Variants in CRPPA observed in about 807,000 individuals in gnomAD.
CRPPA encodes the protein CDP-L-ribitol pyrophosphorylase A.
CRPPA carries 43 observed loss-of-function variants against 52.0 expected under a neutral mutation model. That is an observed-to-expected ratio of 0.83 (90% CI 0.65 to 1.07). CRPPA has a LOEUF of 1.07. Among genes scored for constraint, CRPPA ranks in the 50% least tolerant of loss-of-function variants. The pLI is 0.00. For synonymous variants in CRPPA, 250 were observed against 203.5 expected (o/e 1.23, Z -1.94); for missense variants, 629 against 551.7 (o/e 1.14, Z -1.40).
chr7:16,368,199 T>C (rs114322426), intron 3 of CRPPA, among the ~76,000 whole-genome samples: 3,022 of 152,336 alleles, frequency 0.02, 95 homozygotes, highest in African/African-American at 0.069. Context: ...CATTTGAAGA[T>C]TCAATAAGAA....
chr7:16,295,694 G>A (rs938416865), intron 5 of CRPPA, among the ~76,000 whole-genome samples: 1 of 152,030 alleles, frequency 6.6e-6, no homozygotes, highest in Non-Finnish European at 1.5e-5. Flanking sequence ...ACTAAATCAA[G>A]TGTGGGTTGG....
intron 3 of CRPPA, among the ~76,000 whole-genome samples, chr7:16,359,135 T>C (rs186615443): frequency 6.6e-6 from 1 of 152,290 alleles, no homozygotes; most frequent in East Asian, 1.9e-4. Flanking sequence ...GGTTTGTGTT[T>C]TTTTGAGACA....
intron 3 of CRPPA, among the ~76,000 whole-genome samples, chr7:16,314,653 C>T (rs892048575): frequency 3.9e-5 from 6 of 151,924 alleles, no homozygotes; most frequent in Admixed American, 2.0e-4. Flanking sequence ...TCCTTCTTTA[C>T]TTTTGAAAAA....
At chr7:16,286,014 C>G (rs1353564616) in intron 5 of CRPPA, among the ~76,000 whole-genome samples, 1 of 56,274 alleles carries the variant, frequency 1.8e-5, no homozygotes, top group Non-Finnish European at 3.0e-5. Context: ...GAGTGAAACT[C>G]CATCTCAAAA....
At chr7:16,179,253 T>C (rs1781364515) in intron 9 of CRPPA, among the ~76,000 whole-genome samples, 2 of 152,146 alleles carry the variant, frequency 1.3e-5, no homozygotes, top group Non-Finnish European at 2.9e-5. Context: ...TATAAAAATT[T>C]TAAAATGCTG....
At chr7:16,378,715 A>G (rs1405246640) in intron 2 of CRPPA, among the ~76,000 whole-genome samples, 1 of 150,366 alleles carries the variant, frequency 6.7e-6, no homozygotes, top group East Asian at 2.0e-4. Flanking sequence ...GAACTAGTTT[A>G]CAGTCCCACC....
intron 3 of CRPPA, among the ~76,000 whole-genome samples, chr7:16,347,329 A>T (rs182655168): frequency 6.6e-6 from 1 of 152,242 alleles, no homozygotes; most frequent in African/African-American, 2.4e-5. Context: ...TTATCAAAAC[A>T]TTAGTATCAG....
chr7:16,316,749 C>A (rs569332722), intron 3 of CRPPA, among the ~76,000 whole-genome samples: 1 of 152,124 alleles, frequency 6.6e-6, no homozygotes, highest in African/African-American at 2.4e-5. Context: ...CCAAGCTACT[C>A]AGAAGGCTGA....
rs35315600 is a variant in CRPPA, at chr7:16,133,316, C to CA, written c.1252-41518dup. ...TGGGTGACAGAGTGAGCATCTGTCT[C>CA]AAAAAAAAAAAAGGTAAAATTTATC... On this transcript the variant is annotated intron_variant, in intron 9 of 9. Coordinates refer to ENST00000407010, the MANE Select transcript of CRPPA (RefSeq NM_001101426.4). 5.6e-4 allele frequency among the ~76,000 whole-genome samples: 57 copies of CA among 101,422 alleles called. 9 individuals are homozygous for CA. The highest frequency in any genetic ancestry group is 8.2e-4 in the African/African-American group (27 of 33,024). 66.5% of individuals were successfully genotyped at this position (101,422 alleles called of 152,430 possible).
chr7:16,327,536 T>C (rs922752490), intron 3 of CRPPA, among the ~76,000 whole-genome samples: 1 of 140,026 alleles, frequency 7.1e-6, no homozygotes, highest in Non-Finnish European at 1.5e-5. Flanking sequence ...GAGCTCGCAG[T>C]GAGCCGAGAT....
intron 9 of CRPPA, among the ~76,000 whole-genome samples, chr7:16,102,671 A>G (rs1001027581): frequency 2.6e-5 from 4 of 152,240 alleles, no homozygotes; most frequent in Non-Finnish European, 4.4e-5. Flanking sequence ...ACTTCTCAAC[A>G]GAAGACATTT....
intron 3 of CRPPA, among the ~76,000 whole-genome samples, chr7:16,329,867 C>G (rs1455013527): frequency 1.3e-5 from 2 of 152,154 alleles, no homozygotes; most frequent in Non-Finnish European, 2.9e-5. Flanking sequence ...TTGGTCACAA[C>G]TAAAAAGAAT....
intron 9 of CRPPA, among the ~76,000 whole-genome samples, chr7:16,175,043 C>T (rs1489692687): frequency 6.6e-6 from 1 of 152,122 alleles, no homozygotes; most frequent in East Asian, 1.9e-4. Flanking sequence ...CATAGTTATA[C>T]ACTCATATGG....
chr7:16,166,441 A>G (rs1781066686), intron 9 of CRPPA, among the ~76,000 whole-genome samples: 1 of 151,972 alleles, frequency 6.6e-6, no homozygotes. Context: ...CACCACGCCC[A>G]GCTAATATTT....
At chr7:16,380,161 C>T (rs1223389076) in intron 2 of CRPPA, among the ~76,000 whole-genome samples, 2 of 151,128 alleles carry the variant, frequency 1.3e-5, no homozygotes, top group African/African-American at 4.9e-5. Flanking sequence ...TGAGATACGT[C>T]CCATCAATAC....
intron 9 of CRPPA, among the ~76,000 whole-genome samples, chr7:16,138,045 T>C (rs536908415): frequency 6.6e-6 from 1 of 152,146 alleles, no homozygotes; most frequent in African/African-American, 2.4e-5. Flanking sequence ...ATAACATAAA[T>C]ATTAAGACAA....
intron 4 of CRPPA, among the ~76,000 whole-genome samples, chr7:16,303,121 T>A (rs1032853814): frequency 2.6e-5 from 4 of 152,220 alleles, no homozygotes; most frequent in Non-Finnish European, 5.9e-5. Flanking sequence ...TTGGTTGGCA[T>A]GTGCTTGTTT....
At chr7:16,375,193 T>C (rs971450218) in intron 3 of CRPPA, among the ~76,000 whole-genome samples, 6 of 152,164 alleles carry the variant, frequency 3.9e-5, no homozygotes, top group Admixed American at 3.9e-4. Flanking sequence ...AGAAAGTACT[T>C]TCTGCATTAA....
At chr7:16,302,911 A>C (rs1018069561) in intron 4 of CRPPA, among the ~76,000 whole-genome samples, 1 of 152,182 alleles carries the variant, frequency 6.6e-6, no homozygotes, top group Non-Finnish European at 1.5e-5. Flanking sequence ...ACAGAACGAA[A>C]GGAACTTCAA....
Sources: gnomAD v4.1 joint callset for allele counts (sites outside exome capture counted in the v4.1 genomes callset) on GRCh38, gnomAD v4.1.1 for gene constraint, MANE v1.5 for transcripts, NCBI Gene and HGNC (gene_info 2026-07-23, HGNC 2026-07-21) for gene names.